USP54: variants seen among roughly 807,000 people sequenced by gnomAD.
USP54 encodes the protein ubiquitin carboxyl-terminal hydrolase 54.
USP54 carries 87 observed loss-of-function variants against 170.5 expected under a neutral mutation model. The observed-to-expected ratio is 0.51, with a 90% CI of 0.43 to 0.61. USP54 has a LOEUF of 0.61. Among genes scored for constraint, USP54 ranks in the 20% least tolerant of loss-of-function variants. The pLI, the probability that USP54 is intolerant of heterozygous loss-of-function variation, is 0.00. For missense variants in USP54, 1,786 were observed against 2,047.8 expected, an observed-to-expected ratio of 0.87 and a Z score of 2.47; for synonymous variants, 655 against 742.8, an observed-to-expected ratio of 0.88 and a Z score of 1.92.
intron 17 of USP54, among the ~76,000 whole-genome samples, chr10:73,522,491 C>T (rs2062059219): frequency 6.6e-6 from 1 of 152,138 alleles, no homozygotes. Context: ...CCAGTGGGAT[C>T]TCCTCCTAAC....
intron 19 of USP54, 148 bp from the exon 20 acceptor site, chr10:73,517,895 G>T: frequency 9.2e-7 from 1 of 1,082,378 alleles, no homozygotes; most frequent in Non-Finnish European, 1.3e-6. Context: ...AGAGTCAGTA[G>T]TTCAGAGGAT....
At position 73,530,731 on chromosome 10, in the gene USP54, G is replaced by A; in HGVS notation, c.1420C>T (p.Pro474Ser). The A allele has an allele frequency of 1.2e-6, 2 of 1,614,164 alleles. No homozygotes were observed. Among genetic ancestry groups the A allele is most frequent in the Non-Finnish European group, 1.7e-6 (2 of 1,180,036 alleles). Residue 474 changes from proline to serine, a missense_variant, in exon 13 of 24, where the codon CCC becomes TCC. Pro to Ser is a moderately conservative substitution (Grantham distance 74). This residue lies in a region of USP54 where 1,418 missense variants were observed against 1,569.0 expected (regional missense o/e 0.90). Coordinates refer to ENST00000687698, the MANE Select transcript of USP54 (RefSeq NM_001391956.1). ...SGRVRRKGDE[P>S]QASGYHSEGE... ...TCACTGTGGTATCCCGAGGCCTGGG[G>A]CTCATCGCCTTTCCTCCTAACCCGA...
In USP54 at chr10:73,498,887, A is replaced by G. The variant is rs1167616968; in HGVS notation, c.4797T>C (p.Ile1599=). 1.3e-6 allele frequency: 2 copies of G among 1,569,296 alleles called. No individual in the cohort carries two copies. Among genetic ancestry groups the G allele is most frequent in the South Asian group, 2.2e-5 (2 of 90,042 alleles). The stretch of plus-strand genomic sequence containing the variant: ...TAGATGGTGGGTACACAGGATGAAC[A>G]ATGGGAGGGTGGGAGGGTGAATGGA... ...DLFHSPSHPP[I]VHPVYPPSSS... The change falls in exon 24 of 24, where the codon ATT becomes ATC. Residue 1599 remains isoleucine (I), a synonymous_variant. Transcript: ENST00000687698.
chr10:73,551,600 C>T (rs951216309), intron 4 of USP54, among the ~76,000 whole-genome samples: 1 of 152,128 alleles, frequency 6.6e-6, no homozygotes, highest in Non-Finnish European at 1.5e-5. Context: ...AGTGGCCTGA[C>T]GACATGATGA....
chr10:73,589,723 G>A (rs2077997083), intron 1 of USP54, among the ~76,000 whole-genome samples: 1 of 152,196 alleles, frequency 6.6e-6, no homozygotes, highest in African/African-American at 2.4e-5. Flanking sequence ...TTTCTGTTGG[G>A]AGAACACTGG....
chr10:73,613,028 G>A (rs1483077047), intron 1 of USP54, among the ~76,000 whole-genome samples: 3 of 151,316 alleles, frequency 2.0e-5, no homozygotes, highest in African/African-American at 7.3e-5. Context: ...ATGGTGGTGC[G>A]TGCCTCTGGT....
chr10:73,568,340 T>G (rs2074303978), intron 4 of USP54, among the ~76,000 whole-genome samples: 1 of 152,154 alleles, frequency 6.6e-6, no homozygotes, highest in Non-Finnish European at 1.5e-5. Context: ...AAAATGAAGC[T>G]CTCCATCCTG....
intron 20 of USP54, among the ~76,000 whole-genome samples, chr10:73,511,154 A>G (rs1274939453): frequency 7.2e-6 from 1 of 139,702 alleles, no homozygotes; most frequent in Admixed American, 7.7e-5. Flanking sequence ...GCTGAAGTGC[A>G]GCGGCACAAT....
chr10:73,544,501 T>C (rs1199959560), intron 5 of USP54, among the ~76,000 whole-genome samples: 1 of 152,200 alleles, frequency 6.6e-6, no homozygotes, highest in Non-Finnish European at 1.5e-5. Context: ...TTCATTTCTG[T>C]GGGATACATG....
intron 3 of USP54, among the ~76,000 whole-genome samples, chr10:73,575,027 C>A (rs1047854610): frequency 1.3e-5 from 2 of 152,078 alleles, no homozygotes. Context: ...GAGTTCGAGA[C>A]CAGCCTGGCC....
intron 5 of USP54, 122 bp downstream of exon 5, chr10:73,545,416 A>T: frequency 7.7e-7 from 1 of 1,297,092 alleles, no homozygotes; most frequent in Non-Finnish European, 1.1e-6. Context: ...AATCAGAGAA[A>T]ACTCCTAGTT....
chr10:73,570,697 C>CA (rs1395875049), intron 4 of USP54, among the ~76,000 whole-genome samples: 6 of 151,446 alleles, frequency 4.0e-5, no homozygotes, highest in Non-Finnish European at 8.8e-5. Context: ...AGGCATGTGC[C>CA]ACCTCACCCG....
intron 1 of USP54, among the ~76,000 whole-genome samples, chr10:73,609,026 A>C (rs181436650): frequency 1.4e-4 from 22 of 152,366 alleles, no homozygotes; most frequent in African/African-American, 4.3e-4. Flanking sequence ...AAAGTTTCTT[A>C]TATCAAGCTG....
At chr10:73,594,759 C>G (rs894821093), upstream of USP54, among the ~76,000 whole-genome samples, 1 of 151,774 alleles carries the variant, frequency 6.6e-6, no homozygotes, top group African/African-American at 2.4e-5. Flanking sequence ...TTCTAGCAAA[C>G]AAAAATTAGA....
chr10:73,520,818 T>A (rs2061773536), intron 18 of USP54, 90 bp downstream of exon 18: 4 of 1,571,748 alleles, frequency 2.5e-6, no homozygotes, highest in Admixed American at 3.5e-5. Context: ...ACACAAAAAC[T>A]GTTTTTATCC....
At chr10:73,534,820 A>G in intron 11 of USP54, 50 bp from the exon 12 acceptor site, 2 of 1,554,246 alleles carry the variant, frequency 1.3e-6, no homozygotes, top group Non-Finnish European at 1.8e-6. Context: ...ACAGAACAGT[A>G]GCAAAGAGAA....
chr10:73,589,918 T>C (rs1193808582), intron 1 of USP54, among the ~76,000 whole-genome samples: 1 of 152,180 alleles, frequency 6.6e-6, no homozygotes, highest in Non-Finnish European at 1.5e-5. Context: ...AATGAAAACA[T>C]GCTACCAGAC....
At chr10:73,586,064 C>A (rs1422297700) in intron 1 of USP54, among the ~76,000 whole-genome samples, 2 of 152,060 alleles carry the variant, frequency 1.3e-5, no homozygotes, top group Non-Finnish European at 2.9e-5. Flanking sequence ...ATGTCTGGCA[C>A]CAGCGTAAAG....
At chr10:73,616,335 CAAAAAAA>C (rs60197778) in intron 1 of USP54, among the ~76,000 whole-genome samples, 38 of 25,774 alleles carry the variant, frequency 1.5e-3, no homozygotes, top group East Asian at 2.2e-3. Context: ...GACTCCATCT[CAAAAAAA>C]AAAAAAAAAA....
Sources: allele counts gnomAD v4.1 joint callset (sites outside exome capture counted in the v4.1 genomes callset), GRCh38; gene constraint gnomAD v4.1.1; regional missense constraint gnomAD v4.1.1; transcripts MANE v1.5; gene names NCBI Gene and HGNC (gene_info 2026-07-23, HGNC 2026-07-21).